ALDH18A1: variants seen among roughly 807,000 people sequenced by gnomAD.
The protein encoded by ALDH18A1 is delta-1-pyrroline-5-carboxylate synthase.
ALDH18A1 carries 44 observed loss-of-function variants against 88.8 expected under a neutral mutation model. That is an observed-to-expected ratio of 0.50 (90% CI 0.39 to 0.64). ALDH18A1 has a LOEUF of 0.64. ALDH18A1 is among the 30% of genes least tolerant of loss of function. ALDH18A1 has a pLI of 0.00. For synonymous variants in ALDH18A1, 331 were observed against 372.1 expected, an observed-to-expected ratio of 0.89 and a Z score of 1.27; for missense variants, 782 against 1,009.5, an observed-to-expected ratio of 0.77 and a Z score of 3.05.
chr10:95,610,387 G>T (rs546924848), intron 16 of ALDH18A1, 95 bp from the exon 17 acceptor site: 2 of 1,207,932 alleles, frequency 1.7e-6, no homozygotes, highest in African/African-American at 3.0e-5. Context: ...GGCAGGGTCT[G>T]GGTCCCCACT....
intron 3 of ALDH18A1, among the ~76,000 whole-genome samples, chr10:95,639,434 A>G (rs973697719): frequency 6.6e-6 from 1 of 152,114 alleles, no homozygotes; most frequent in Non-Finnish European, 1.5e-5. Context: ...TTCACCAACT[A>G]TCTCTCATGG....
At chr10:95,631,567 A>AC (rs752900173) in intron 7 of ALDH18A1, among the ~76,000 whole-genome samples, 1 of 151,878 alleles carries the variant, frequency 6.6e-6, no homozygotes, top group African/African-American at 2.4e-5. Flanking sequence ...AAATGGTGAA[A>AC]CCCCATCTCT....
intron 10 of ALDH18A1, 76 bp from the exon 11 acceptor site, chr10:95,625,531 C>T (rs1334254227): frequency 1.5e-5 from 20 of 1,298,476 alleles, no homozygotes; most frequent in Non-Finnish European, 2.1e-5. Flanking sequence ...TTTAAACCTA[C>T]TCTTCTGAGA....
chr10:95,638,345 G>A (rs748510435), intron 3 of ALDH18A1, among the ~76,000 whole-genome samples: 2 of 152,190 alleles, frequency 1.3e-5, no homozygotes, highest in Non-Finnish European at 2.9e-5. Context: ...TTTTAATGAG[G>A]AAATTCTGGT....
At chr10:95,617,297 G>A (rs1444885913) in intron 12 of ALDH18A1, among the ~76,000 whole-genome samples, 5 of 152,226 alleles carry the variant, frequency 3.3e-5, no homozygotes, top group Non-Finnish European at 2.9e-5. Context: ...AGGGCCACAT[G>A]GCACCCCCCA....
At chr10:95,653,607 A>C (rs1028509419) in intron 1 of ALDH18A1, among the ~76,000 whole-genome samples, 1 of 152,192 alleles carries the variant, frequency 6.6e-6, no homozygotes, top group African/African-American at 2.4e-5. Flanking sequence ...CAACCATCTT[A>C]GTTTTTATGT....
chr10:95,633,433 A>T, intron 6 of ALDH18A1, 58 bp downstream of exon 6: 2 of 1,595,748 alleles, frequency 1.3e-6, no homozygotes, highest in Non-Finnish European at 1.7e-6. Flanking sequence ...TAGTGCATGC[A>T]GCATAGCATG....
chr10:95,638,251 G>C (rs1378750074), intron 3 of ALDH18A1, among the ~76,000 whole-genome samples: 1 of 152,014 alleles, frequency 6.6e-6, no homozygotes, highest in African/African-American at 2.4e-5. Flanking sequence ...TCAAACTTCT[G>C]GTCTTAATCC....
intron 5 of ALDH18A1, among the ~76,000 whole-genome samples, chr10:95,635,754 G>T (rs571185209): frequency 1.3e-5 from 2 of 152,250 alleles, no homozygotes; most frequent in East Asian, 3.9e-4. Context: ...AATGGCTGAT[G>T]CTGCATGGAC....
chr10:95,649,200 C>A (rs1464403400), intron 2 of ALDH18A1, among the ~76,000 whole-genome samples: 1 of 151,518 alleles, frequency 6.6e-6, no homozygotes, highest in East Asian at 1.9e-4. Flanking sequence ...AAACCTCACA[C>A]CTTATACAAA....
intron 12 of ALDH18A1, 125 bp from the exon 13 acceptor site, chr10:95,616,739 G>A: frequency 7.9e-7 from 1 of 1,266,446 alleles, no homozygotes; most frequent in South Asian, 1.3e-5. Flanking sequence ...GGCCTATGCT[G>A]TTTCATCTTC....
Position 95,653,414 on chromosome 10 carries a change from T to C in ALDH18A1, c.-28-9A>G. ...GTCACTAACCAAAGTATCTGCAGAATACATTTTTTAAAAAGTGAGTAATGA... is the reference window on the plus strand; with the variant it reads ...GTCACTAACCAAAGTATCTGCAGAACACATTTTTTAAAAAGTGAGTAATGA... On this transcript the variant is annotated splice_polypyrimidine_tract_variant and intron_variant, in intron 1 of 17. Coordinates refer to ENST00000371224, the MANE Select transcript of ALDH18A1 (RefSeq NM_002860.4). 3 of 1,606,372 alleles carry C rather than the reference T, an allele frequency of 1.9e-6. No individual in the cohort carries two copies. Among genetic ancestry groups the C allele is most frequent in the East Asian group, 2.2e-5 (1 of 44,822 alleles).
chr10:95,646,941 G>T (rs1483071026), intron 2 of ALDH18A1, among the ~76,000 whole-genome samples: 1 of 152,236 alleles, frequency 6.6e-6, no homozygotes, highest in Non-Finnish European at 1.5e-5. Flanking sequence ...AACCAATGAG[G>T]CTGTGTTCCA....
Position 95,606,721 on chromosome 10 carries a change from T to C in ALDH18A1, c.*41A>G, listed in dbSNP as rs764336997. 1 of 1,614,002 alleles carries C rather than the reference T, an allele frequency of 6.2e-7. No homozygotes were observed. The highest frequency in any genetic ancestry group is 1.1e-5 in the South Asian group (1 of 91,060). Reference sequence around the variant, plus strand: ...CTCCTGAGATAAGACAAGTTTAACGTGAAGACCTTTTGGAAAATTCCCGGG... The same window carrying C: ...CTCCTGAGATAAGACAAGTTTAACGCGAAGACCTTTTGGAAAATTCCCGGG... On this transcript the variant is annotated 3_prime_UTR_variant, in exon 18 of 18. Coordinates refer to ENST00000371224, the MANE Select transcript of ALDH18A1 (RefSeq NM_002860.4).
At chr10:95,634,623 A>T (rs2097877185) in intron 5 of ALDH18A1, among the ~76,000 whole-genome samples, 1 of 152,196 alleles carries the variant, frequency 6.6e-6, no homozygotes, top group Non-Finnish European at 1.5e-5. Context: ...GTCTTTGGTC[A>T]CAAGCTGAAA....
intron 13 of ALDH18A1, 93 bp from the exon 14 acceptor site, chr10:95,614,254 A>T: frequency 2.3e-6 from 3 of 1,284,006 alleles, no homozygotes; most frequent in Non-Finnish European, 2.2e-6. Flanking sequence ...ACATCTGTAC[A>T]CTCTGAGAAC....
chr10:95,636,876 C>T (rs2097881646), intron 5 of ALDH18A1, among the ~76,000 whole-genome samples: 1 of 152,200 alleles, frequency 6.6e-6, no homozygotes, highest in Non-Finnish European at 1.5e-5. Flanking sequence ...TATTTTCTCA[C>T]TGAGCCCTTC....
chr10:95,633,812 CTTTTTTTT>C (rs869056809), intron 5 of ALDH18A1, among the ~76,000 whole-genome samples, 163 bp from the exon 6 acceptor site: 1 of 103,274 alleles, frequency 9.7e-6, no homozygotes, highest in Non-Finnish European at 1.9e-5. Flanking sequence ...CTATCCAATT[CTTTTTTTT>C]TTTTTTTTTT....
chr10:95,616,503 G>A lies in ALDH18A1; in HGVS notation c.1579C>T (p.His527Tyr). Residue 527 changes from histidine to tyrosine, a missense_variant, in exon 13 of 18, where the codon CAT (histidine) becomes TAT (tyrosine). This residue lies in a region of ALDH18A1 where 556 missense variants were observed against 654.5 expected (regional missense o/e 0.85). Transcript: ENST00000371224. The part of the protein sequence containing the change: ...HLLTQEALSI[H>Y]GVKEAVQLVN... ...AGTTGCACGGCCTCCTTGACTCCATGGATTGAGAGAGCCTCCTGGGTCAGG... is the reference window on the plus strand; with the variant it reads ...AGTTGCACGGCCTCCTTGACTCCATAGATTGAGAGAGCCTCCTGGGTCAGG... The A allele has an allele frequency of 6.4e-7, 1 of 1,572,762 alleles. No individual in the cohort carries two copies. Among genetic ancestry groups the A allele is most frequent in the Non-Finnish European group, 8.6e-7 (1 of 1,157,922 alleles).
Sources: gnomAD v4.1 joint callset for allele counts (sites outside exome capture counted in the v4.1 genomes callset) on GRCh38, gnomAD v4.1.1 for gene constraint, gnomAD v4.1.1 regional missense constraint, MANE v1.5 for transcripts, NCBI Gene and HGNC (gene_info 2026-07-23, HGNC 2026-07-21) for gene names.